Variants in SP100 observed in about 807,000 individuals in gnomAD.
SP100 encodes SP100 nuclear body protein.
Under a neutral mutation model 130.0 loss-of-function variants are expected in SP100, and 84 were observed. The observed-to-expected ratio is 0.65, with a 90% confidence interval of 0.54 to 0.77. The LOEUF (loss-of-function observed/expected upper bound fraction) is 0.77, where lower values mean the gene tolerates loss of function less well. SP100 is among the 30% of genes least tolerant of loss of function. SP100 has a pLI of 0.00. For synonymous variants in SP100, 331 were observed against 351.7 expected, an observed-to-expected ratio of 0.94 and a Z score of 0.66; for missense variants, 978 against 1,052.2, an observed-to-expected ratio of 0.93 and a Z score of 0.97.
At chr2:230,461,068 A>T (rs1365854736) in intron 8 of SP100, among the ~76,000 whole-genome samples, 194 bp from the exon 9 acceptor site, 2 of 152,108 alleles carry the variant, frequency 1.3e-5, no homozygotes, top group Non-Finnish European at 2.9e-5. Context: ...ACGAGTAGGT[A>T]AAGGGAAAGG....
At chr2:230,472,044 G>A (rs1160137001) in intron 15 of SP100, among the ~76,000 whole-genome samples, 1 of 152,112 alleles carries the variant, frequency 6.6e-6, no homozygotes, top group Non-Finnish European at 1.5e-5. Context: ...GCAGGCATTT[G>A]GTGATGAAAG....
At chr2:230,448,725 G>A (rs2063827366) in intron 5 of SP100, among the ~76,000 whole-genome samples, 1 of 152,126 alleles carries the variant, frequency 6.6e-6, no homozygotes, top group African/African-American at 2.4e-5. Context: ...AAAGGGGGTG[G>A]GCATGAGGCA....
chr2:230,490,784 AT>A (rs1310677680), intron 17 of SP100, among the ~76,000 whole-genome samples: 5 of 151,786 alleles, frequency 3.3e-5, no homozygotes, highest in Admixed American at 1.3e-4. Context: ...TGTATTGAAA[AT>A]TTTTTTTTAA....
At position 230,466,201 on chromosome 2, in the gene SP100, A is replaced by C. The variant is rs7369493; in HGVS notation, c.1142-100A>C. ...CTCCATCTCAAAAAAAAAAAAAAAA[A>C]AACTTTGTTATTAACCCAAGCCCAT... is the stretch of plus-strand genomic sequence containing the variant. On this transcript the variant is annotated intron_variant, in intron 11 of 28. Coordinates refer to ENST00000340126, the MANE Select transcript of SP100 (RefSeq NM_001080391.2). 1.9e-3 allele frequency: 1,093 copies of C among 575,586 alleles called. 1 individual carries two copies. The highest frequency in any genetic ancestry group is 6.8e-3 in the East Asian group (212 of 30,994). The allele number at this position is 575,586 out of a possible 1,614,324, so 35.7% of individuals were successfully genotyped here.
intron 21 of SP100, among the ~76,000 whole-genome samples, chr2:230,504,541 A>G (rs1163965442): frequency 1.3e-5 from 2 of 152,212 alleles, no homozygotes; most frequent in African/African-American, 2.4e-5. Flanking sequence ...GCAAGCTTCC[A>G]GGAGTCCTCT....
intron 24 of SP100, among the ~76,000 whole-genome samples, chr2:230,523,946 G>A (rs370268177): frequency 6.6e-6 from 1 of 151,550 alleles, no homozygotes; most frequent in Non-Finnish European, 1.5e-5. Context: ...AAATATAAAT[G>A]TCTTTAGAAT....
chr2:230,476,092 A>G (rs2065531812), intron 17 of SP100, among the ~76,000 whole-genome samples: 1 of 152,246 alleles, frequency 6.6e-6, no homozygotes, highest in African/African-American at 2.4e-5. Context: ...TTTTATTTTA[A>G]TAAGGATGGT....
intron 17 of SP100, among the ~76,000 whole-genome samples, chr2:230,484,771 ATAG>A (rs2065987195): frequency 6.6e-6 from 1 of 152,142 alleles, no homozygotes; most frequent in Admixed American, 6.6e-5. Context: ...TCCTATTATG[ATAG>A]TATATTTTTA....
intron 2 of SP100, among the ~76,000 whole-genome samples, chr2:230,419,583 A>G (rs1312784060): frequency 6.6e-6 from 1 of 152,236 alleles, no homozygotes; most frequent in East Asian, 1.9e-4. Context: ...GAAAGAAAAA[A>G]ATAATATGCT....
intron 24 of SP100, among the ~76,000 whole-genome samples, chr2:230,517,761 T>C (rs539429477): frequency 1.2e-5 from 1 of 81,174 alleles, no homozygotes; most frequent in East Asian, 2.6e-4. Context: ...CAAGACTCCA[T>C]CTCAAAAAAA....
chr2:230,539,106 C>T, intron 24 of SP100, 161 bp from the exon 25 acceptor site: 1 of 491,808 alleles, frequency 2.0e-6, no homozygotes, highest in Non-Finnish European at 3.7e-6. Context: ...ATCTACTGAA[C>T]TTTGCCGCAG....
At position 230,526,295 on chromosome 2, in the gene SP100, A is replaced by C. The variant is rs575774658; in HGVS notation, c.2095-12972A>C. Among the ~76,000 whole-genome samples, 44 of 152,268 alleles carry C rather than the reference A, an allele frequency of 2.9e-4. No individual in the cohort carries two copies. In the East Asian group the frequency reaches 8.1e-3, roughly 28 times the overall value. ...AGGGTCTGGAGTGGACCTCCAGCAAACTCCAACAGACCTGCAGCTGAGGGG... is the reference window on the plus strand; with the variant it reads ...AGGGTCTGGAGTGGACCTCCAGCAACCTCCAACAGACCTGCAGCTGAGGGG... On this transcript the variant is annotated intron_variant, in intron 24 of 28. Transcript: ENST00000340126.
intron 24 of SP100, among the ~76,000 whole-genome samples, chr2:230,528,777 C>A (rs939458481): frequency 2.0e-5 from 3 of 152,174 alleles, no homozygotes; most frequent in African/African-American, 7.2e-5. Context: ...ATACAAACTA[C>A]CATCAGAGAA....
intron 12 of SP100, 103 bp downstream of exon 12, chr2:230,466,457 T>C: frequency 1.4e-6 from 1 of 691,064 alleles, no homozygotes; most frequent in Non-Finnish European, 2.6e-6. Flanking sequence ...TTCCTTGCTA[T>C]ATCCTTCAAA....
intron 2 of SP100, among the ~76,000 whole-genome samples, chr2:230,442,012 T>C (rs2063490061): frequency 6.6e-6 from 1 of 151,570 alleles, no homozygotes; most frequent in Admixed American, 6.6e-5. Context: ...AATTCCTTTG[T>C]TATCATTTTA....
At chr2:230,526,665 GA>G (rs1262495183) in intron 24 of SP100, among the ~76,000 whole-genome samples, 1 of 151,976 alleles carries the variant, frequency 6.6e-6, no homozygotes, top group Non-Finnish European at 1.5e-5. Context: ...TAAAAACTTT[GA>G]AAAAAGGTTA....
chr2:230,520,328 T>C (rs1041991934), intron 24 of SP100, among the ~76,000 whole-genome samples: 2 of 152,158 alleles, frequency 1.3e-5, no homozygotes, highest in Non-Finnish European at 2.9e-5. Flanking sequence ...AAGACTGCCC[T>C]CCCTCATGCA....
intron 2 of SP100, among the ~76,000 whole-genome samples, chr2:230,422,560 T>C (rs541785903): frequency 6.6e-6 from 1 of 152,314 alleles, no homozygotes; most frequent in East Asian, 1.9e-4. Context: ...GTAATCAAGA[T>C]TTTTGTTTTT....
intron 3 of SP100, 126 bp from the exon 4 acceptor site, chr2:230,444,052 A>G (rs1575614322): frequency 1.4e-6 from 1 of 697,984 alleles, no homozygotes; most frequent in Non-Finnish European, 2.3e-6. Context: ...AGTAAAAATT[A>G]TAGAACCTCA....
Sources: allele counts gnomAD v4.1 joint callset (sites outside exome capture counted in the v4.1 genomes callset), GRCh38; gene constraint gnomAD v4.1.1; transcripts MANE v1.5; gene names NCBI Gene and HGNC (gene_info 2026-07-23, HGNC 2026-07-21).